MDGA2: variants seen among roughly 807,000 people sequenced by gnomAD.
The protein encoded by MDGA2 is MAM domain-containing glycosylphosphatidylinositol anchor protein 2.
A neutral mutation model predicts 117.8 loss-of-function variants in MDGA2; 40 were observed. The ratio of observed to expected loss-of-function variants is 0.34; its 90% CI spans 0.26 to 0.44. MDGA2 has a LOEUF of 0.44. Among genes scored for constraint, MDGA2 ranks in the 20% least tolerant of loss-of-function variants. The pLI is 1.00. For missense variants in MDGA2, 1,123 were observed against 1,250.6 expected (o/e 0.90, Z 1.54); for synonymous variants, 452 against 439.0 (o/e 1.03, Z -0.37).
At chr14:47,094,621 C>T (rs2138965175) in intron 6 of MDGA2, among the ~76,000 whole-genome samples, 1 of 152,102 alleles carries the variant, frequency 6.6e-6, no homozygotes, top group African/African-American at 2.4e-5. Context: ...ATAAAAGATT[C>T]TGCATTGTAT....
At chr14:46,911,010 C>A (rs183269814) in intron 10 of MDGA2, among the ~76,000 whole-genome samples, 1 of 151,824 alleles carries the variant, frequency 6.6e-6, no homozygotes, top group African/African-American at 2.4e-5. Context: ...GGAGGTTGGG[C>A]GGAGGAAGAA....
At chr14:47,595,557 C>CA (rs1162012490) in intron 1 of MDGA2, among the ~76,000 whole-genome samples, 7 of 137,980 alleles carry the variant, frequency 5.1e-5, no homozygotes, top group Middle Eastern at 3.7e-3. Flanking sequence ...CAAAAAAAAA[C>CA]AAAAAAAAAA....
intron 10 of MDGA2, among the ~76,000 whole-genome samples, chr14:46,898,685 CA>C (rs1421899561): frequency 6.6e-6 from 1 of 151,952 alleles, no homozygotes; most frequent in Non-Finnish European, 1.5e-5. Context: ...TTAAAGAACA[CA>C]ACCAAAGAAA....
chr14:47,312,693 G>T (rs796470673), intron 1 of MDGA2, among the ~76,000 whole-genome samples: 2,847 of 104,274 alleles, frequency 0.027, 93 homozygotes, highest in East Asian at 0.13. Context: ...TTTTTGTTTT[G>T]TTTTGTTTTT....
chr14:47,268,307 T>C (rs1312399198), intron 2 of MDGA2, among the ~76,000 whole-genome samples: 2 of 152,116 alleles, frequency 1.3e-5, no homozygotes, highest in East Asian at 1.9e-4. Context: ...ACTCCTGACC[T>C]CATGTGATCC....
intron 16 of MDGA2, among the ~76,000 whole-genome samples, chr14:46,844,886 A>G (rs191679909): frequency 6.6e-6 from 1 of 151,734 alleles, no homozygotes; most frequent in East Asian, 2.0e-4. Context: ...TATTATTATT[A>G]TTATTATGTT....
intron 14 of MDGA2, among the ~76,000 whole-genome samples, chr14:46,860,293 G>A (rs563667693): frequency 1.4e-4 from 22 of 151,980 alleles, no homozygotes; most frequent in African/African-American, 4.6e-4. Context: ...CATATAATCA[G>A]CACATTTATT....
intron 3 of MDGA2, among the ~76,000 whole-genome samples, chr14:47,192,678 C>A (rs994577863): frequency 2.6e-5 from 4 of 151,866 alleles, no homozygotes; most frequent in Non-Finnish European, 4.4e-5. Context: ...AATAGTACAT[C>A]TTCAGAATAT....
At chr14:46,842,092 C>T in intron 16 of MDGA2, 73 bp from the exon 17 acceptor site, 1 of 879,764 alleles carries the variant, frequency 1.1e-6, no homozygotes. Flanking sequence ...CTAACACAAC[C>T]TTGGTGAATA....
Position 46,840,391 on chromosome 14 carries a change from GA to G in MDGA2, c.*1539del, listed in dbSNP as rs1460481182. 6.6e-6 allele frequency: 1 copy of G among 152,196 alleles called. No homozygotes were observed. Among genetic ancestry groups the G allele is most frequent in the Non-Finnish European group, 1.5e-5 (1 of 67,930 alleles). The allele number at this position is 152,196 out of a possible 1,614,324, so 9.4% of individuals were successfully genotyped here. Reference sequence around the variant, plus strand: ...AAGTTAAAAGCTGAGATAATTTAAGGAAAATGATCTTCAAATTTTCATAACC... The same window carrying G: ...AAGTTAAAAGCTGAGATAATTTAAGGAAATGATCTTCAAATTTTCATAACC... On this transcript the variant is annotated 3_prime_UTR_variant, in exon 17 of 17. Transcript: ENST00000399232.
At chr14:47,550,758 T>C (rs1307028608) in intron 1 of MDGA2, among the ~76,000 whole-genome samples, 2 of 152,248 alleles carry the variant, frequency 1.3e-5, no homozygotes, top group Non-Finnish European at 2.9e-5. Flanking sequence ...TTCCTGAAAT[T>C]ATATGAATAT....
intron 7 of MDGA2, among the ~76,000 whole-genome samples, chr14:47,054,192 T>C (rs11851738): frequency 0.017 from 2,515 of 151,952 alleles, 71 homozygotes; most frequent in African/African-American, 0.056. Context: ...TTACGCTCCC[T>C]TTCATTCATT....
At chr14:47,012,382 T>C (rs180806047) in intron 8 of MDGA2, among the ~76,000 whole-genome samples, 8 of 152,288 alleles carry the variant, frequency 5.3e-5, no homozygotes, top group Admixed American at 3.9e-4. Context: ...AATTTTTTAT[T>C]AATAGTTCAT....
intron 1 of MDGA2, among the ~76,000 whole-genome samples, chr14:47,549,833 G>A (rs1594912143): frequency 6.6e-6 from 1 of 152,164 alleles, no homozygotes; most frequent in East Asian, 1.9e-4. Flanking sequence ...GAAGGTGGCT[G>A]TCTATAAGCC....
chr14:47,243,052 T>A (rs1887114463), intron 2 of MDGA2, among the ~76,000 whole-genome samples: 1 of 151,620 alleles, frequency 6.6e-6, no homozygotes, highest in South Asian at 2.1e-4. Context: ...GTGCAGAACC[T>A]TTACATCTAG....
At chr14:47,063,878 T>C (rs1889983537) in intron 6 of MDGA2, among the ~76,000 whole-genome samples, 1 of 151,958 alleles carries the variant, frequency 6.6e-6, no homozygotes, top group African/African-American at 2.4e-5. Context: ...GTTTAAGTGG[T>C]TGTCATTTAT....
At chr14:47,574,197 A>T (rs992032602) in intron 1 of MDGA2, among the ~76,000 whole-genome samples, 1 of 152,194 alleles carries the variant, frequency 6.6e-6, no homozygotes, top group Non-Finnish European at 1.5e-5. Context: ...CGATTCAAAC[A>T]CTATTGTCCT....
chr14:47,345,338 A>G (rs558909544), intron 1 of MDGA2, among the ~76,000 whole-genome samples: 30 of 152,278 alleles, frequency 2.0e-4, no homozygotes, highest in South Asian at 4.1e-4. Flanking sequence ...TGCTATAAAT[A>G]GGAAGGTAAG....
chr14:46,915,564 C>G (rs1883866885), intron 10 of MDGA2, among the ~76,000 whole-genome samples: 1 of 152,128 alleles, frequency 6.6e-6, no homozygotes, highest in Non-Finnish European at 1.5e-5. Context: ...TTGTAATTAT[C>G]ATTTCTTATC....
Sources: allele counts gnomAD v4.1 joint callset (sites outside exome capture counted in the v4.1 genomes callset), GRCh38; gene constraint gnomAD v4.1.1; transcripts MANE v1.5; gene names NCBI Gene and HGNC (gene_info 2026-07-23, HGNC 2026-07-21).